The following GPM6A variants were observed in gnomAD, a reference collection of about 807,000 sequenced individuals.
GPM6A encodes the protein neuronal membrane glycoprotein M6-a.
In GPM6A, 7 loss-of-function variants were observed where a neutral mutation model predicts 32.1. The ratio of observed to expected loss-of-function variants is 0.22; its 90% confidence interval spans 0.12 to 0.41. The LOEUF is 0.41. GPM6A is among the 10% of genes least tolerant of loss of function. GPM6A has a pLI of 1.00. For synonymous variants in GPM6A, 130 were observed against 123.4 expected (o/e 1.05, Z -0.35); for missense variants, 235 against 347.2 (o/e 0.68, Z 2.57).
At chr4:175,907,631 G>A (rs1467911970) in intron 1 of GPM6A, among the ~76,000 whole-genome samples, 1 of 152,090 alleles carries the variant, frequency 6.6e-6, no homozygotes, top group Non-Finnish European at 1.5e-5. Flanking sequence ...TCCTGAAACA[G>A]GTCATAAAAC....
At chr4:175,650,448 G>C (rs1438225663) in intron 4 of GPM6A, among the ~76,000 whole-genome samples, 1 of 151,958 alleles carries the variant, frequency 6.6e-6, no homozygotes, top group Non-Finnish European at 1.5e-5. Context: ...GGGACTACAG[G>C]CATGTGCCAC....
chr4:175,995,375 G>GTA (rs1554007754), intron 1 of GPM6A, among the ~76,000 whole-genome samples: 1 of 74,708 alleles, frequency 1.3e-5, no homozygotes, highest in Non-Finnish European at 2.5e-5. Flanking sequence ...CTTTCAATTT[G>GTA]TAAAAAAAAA....
At chr4:175,948,398 G>C (rs570733795) in intron 1 of GPM6A, among the ~76,000 whole-genome samples, 2 of 152,158 alleles carry the variant, frequency 1.3e-5, no homozygotes, top group Admixed American at 1.3e-4. Flanking sequence ...TGGGCCGGGA[G>C]GAGGGCCCTC....
intron 1 of GPM6A, among the ~76,000 whole-genome samples, chr4:175,737,797 G>T (rs1731721951): frequency 6.6e-6 from 1 of 152,250 alleles, no homozygotes; most frequent in South Asian, 2.1e-4. Flanking sequence ...AACAAGAGAG[G>T]TACCAGGTTC....
chr4:175,973,363 G>A (rs1740564064), intron 1 of GPM6A, among the ~76,000 whole-genome samples: 1 of 152,186 alleles, frequency 6.6e-6, no homozygotes, highest in African/African-American at 2.4e-5. Context: ...ACACGGTTTT[G>A]CTGTTTAACA....
chr4:175,855,353 G>A (rs1200060865), intron 1 of GPM6A, among the ~76,000 whole-genome samples: 1 of 152,108 alleles, frequency 6.6e-6, no homozygotes, highest in African/African-American at 2.4e-5. Context: ...AAAACTTTAT[G>A]ACACAAACAG....
chr4:175,650,679 T>C (rs763209657), intron 4 of GPM6A, among the ~76,000 whole-genome samples: 1 of 152,196 alleles, frequency 6.6e-6, no homozygotes, highest in Non-Finnish European at 1.5e-5. Context: ...GGCTTCATCT[T>C]GTAGGATGGT....
In GPM6A at chr4:175,980,727, T is replaced by C. The variant is rs185297460; in HGVS notation, c.-23+21582A>G. ...GAAATATTTATCTTGGCAATAATAA[T>C]AGTGATGTGACGACTGAAAAGATTT... On this transcript the variant is annotated intron_variant, in intron 1 of 7. Coordinates refer to the GPM6A transcript ENST00000280187. Among the ~76,000 whole-genome samples, 41 of 152,314 alleles carry C rather than the reference T, an allele frequency of 2.7e-4. No homozygotes were observed. In the Middle Eastern group the frequency reaches 0.01, roughly 38 times the overall value.
At chr4:175,712,953 T>C (rs1007234582) in intron 1 of GPM6A, among the ~76,000 whole-genome samples, 19 of 152,322 alleles carry the variant, frequency 1.2e-4, no homozygotes, top group African/African-American at 4.1e-4. Flanking sequence ...TAGTGTCCAG[T>C]TGGTGTAGCC....
intron 1 of GPM6A, among the ~76,000 whole-genome samples, chr4:175,880,246 A>G (rs756874579): frequency 6.6e-6 from 1 of 152,102 alleles, no homozygotes; most frequent in Non-Finnish European, 1.5e-5. Flanking sequence ...ATTGGTGTAT[A>G]TCTCTGTTTT....
At chr4:175,702,308 T>C (rs1018107026) in intron 1 of GPM6A, among the ~76,000 whole-genome samples, 1 of 152,230 alleles carries the variant, frequency 6.6e-6, no homozygotes, top group Non-Finnish European at 1.5e-5. Context: ...AAAATATTTA[T>C]GTTTTCTTTG....
intron 1 of GPM6A, among the ~76,000 whole-genome samples, chr4:175,927,751 G>A (rs960004179): frequency 7.2e-5 from 11 of 152,304 alleles, no homozygotes; most frequent in Admixed American, 2.6e-4. Flanking sequence ...AGAGCGTGGC[G>A]GTGCACGCCT....
At chr4:175,708,750 GT>G (rs1745358761) in intron 1 of GPM6A, among the ~76,000 whole-genome samples, 1 of 152,140 alleles carries the variant, frequency 6.6e-6, no homozygotes, top group Non-Finnish European at 1.5e-5. Flanking sequence ...CACAGGAGAG[GT>G]TAAAATATAA....
chr4:175,909,042 C>CGGGGGGGG (rs57343227), intron 1 of GPM6A, among the ~76,000 whole-genome samples: 1 of 56,666 alleles, frequency 1.8e-5, no homozygotes, highest in Non-Finnish European at 3.2e-5. Context: ...AAAAAAAGGG[C>CGGGGGGGG]GGGGGGGGGG....
At chr4:175,693,317 G>GTA (rs1301939499) in intron 2 of GPM6A, among the ~76,000 whole-genome samples, 4 of 147,624 alleles carry the variant, frequency 2.7e-5, no homozygotes, top group Admixed American at 2.0e-4. Flanking sequence ...ACATATATAA[G>GTA]TATATATATA....
intron 1 of GPM6A, among the ~76,000 whole-genome samples, chr4:175,822,241 G>C (rs1270265371): frequency 6.6e-6 from 1 of 152,134 alleles, no homozygotes; most frequent in African/African-American, 2.4e-5. Context: ...TTCCCAAACA[G>C]AGAATTGGTC....
At chr4:175,945,598 TA>T (rs2126356913) in intron 1 of GPM6A, among the ~76,000 whole-genome samples, 1 of 151,832 alleles carries the variant, frequency 6.6e-6, no homozygotes, top group East Asian at 1.9e-4. Flanking sequence ...TACTTAGTTG[TA>T]ATATAACTTA....
intron 1 of GPM6A, among the ~76,000 whole-genome samples, chr4:175,769,848 A>G (rs561025686): frequency 1.3e-5 from 2 of 152,338 alleles, no homozygotes; most frequent in South Asian, 4.1e-4. Context: ...TAAAGTTAAG[A>G]CTAATCATAG....
chr4:175,769,411 T>C (rs538905210), intron 1 of GPM6A, among the ~76,000 whole-genome samples: 1 of 146,450 alleles, frequency 6.8e-6, no homozygotes, highest in Admixed American at 6.7e-5. Flanking sequence ...CAAAGGCCTA[T>C]CTGGGTTTGA....
Sources: allele counts gnomAD v4.1 joint callset (sites outside exome capture counted in the v4.1 genomes callset), GRCh38; gene constraint gnomAD v4.1.1; transcripts MANE v1.5; gene names NCBI Gene and HGNC (gene_info 2026-07-23, HGNC 2026-07-21).